RAB6B: variants seen among roughly 807,000 people sequenced by gnomAD.
RAB6B encodes ras-related protein Rab-6B.
A neutral mutation model predicts 31.2 loss-of-function variants in RAB6B; 7 were observed. That is an observed-to-expected ratio of 0.22 (90% CI 0.13 to 0.42). The LOEUF is 0.42. Among genes scored for constraint, RAB6B ranks in the 10% least tolerant of loss-of-function variants. RAB6B has a pLI of 1.00. For synonymous variants in RAB6B, 105 were observed against 104.9 expected, an observed-to-expected ratio of 1.00 and a Z score of -0.01; for missense variants, 149 against 280.6, an observed-to-expected ratio of 0.53 and a Z score of 3.35.
Position 133,825,801 on chromosome 3 carries a change from C to T in RAB6B, c.*2987G>A, listed in dbSNP as rs1006203283. 6.6e-6 allele frequency: 1 copy of T among 152,178 alleles called. No homozygotes were observed. The highest frequency in any genetic ancestry group is 1.5e-5 in the Non-Finnish European group (1 of 68,062). The allele number at this position is 152,178 out of a possible 1,614,324, so 9.4% of individuals were successfully genotyped here. ...GGCCAAGAGGATCCTGCTAATCTGC[C>T]AGGTCACGTCTAGTCTTTGGGGAGA... On this transcript the variant is annotated 3_prime_UTR_variant, in exon 8 of 8. Transcript: ENST00000285208.
intron 1 of RAB6B, among the ~76,000 whole-genome samples, chr3:133,879,261 C>T (rs965834238): frequency 6.6e-5 from 10 of 152,200 alleles, no homozygotes; most frequent in African/African-American, 9.7e-5. Flanking sequence ...TTTAATTACA[C>T]GCACACATCC....
intron 2 of RAB6B, among the ~76,000 whole-genome samples, chr3:133,861,585 G>T (rs1936162034): frequency 6.6e-6 from 1 of 152,200 alleles, no homozygotes; most frequent in African/African-American, 2.4e-5. Flanking sequence ...CTGAGGATAG[G>T]GTTAAACGCC....
intron 2 of RAB6B, among the ~76,000 whole-genome samples, chr3:133,847,714 T>C (rs1935924431): frequency 6.6e-6 from 1 of 152,204 alleles, no homozygotes; most frequent in African/African-American, 2.4e-5. Flanking sequence ...TGCCCATAGC[T>C]CTTGCTATGG....
chr3:133,830,610 G>A (rs111672399), intron 7 of RAB6B, among the ~76,000 whole-genome samples: 3 of 152,162 alleles, frequency 2.0e-5, no homozygotes, highest in Non-Finnish European at 2.9e-5. Flanking sequence ...CAGGGTGCAC[G>A]CATTAGTGGC....
intron 7 of RAB6B, among the ~76,000 whole-genome samples, chr3:133,831,036 G>T (rs1416439422): frequency 6.6e-6 from 1 of 152,192 alleles, no homozygotes; most frequent in Non-Finnish European, 1.5e-5. Flanking sequence ...CTTGAAGGTT[G>T]GCCACTGTTA....
chr3:133,828,451 C>A lies in RAB6B; in HGVS notation c.*337G>T. On this transcript the variant is annotated 3_prime_UTR_variant, in exon 8 of 8. Transcript: ENST00000285208. ...TACAAATATACAAAAACAAAAAGCA[C>A]ATCTTTCAAATAAAAATGACTACAT... 2.5e-6 allele frequency: 1 copy of A among 397,904 alleles called. No homozygotes were observed. Among genetic ancestry groups the A allele is most frequent in the Non-Finnish European group, 4.5e-6 (1 of 222,004 alleles). The allele number at this position is 397,904 out of a possible 1,614,324, so 24.6% of individuals were successfully genotyped here.
rs1935562802 is a variant in RAB6B, at chr3:133,826,356, CCT to C, written c.*2430_*2431del. The C allele has an allele frequency of 6.6e-6, 1 of 152,154 alleles. No homozygotes were observed. Among genetic ancestry groups the C allele is most frequent in the Non-Finnish European group, 1.5e-5 (1 of 68,034 alleles). The allele number at this position is 152,154 out of a possible 1,614,324, so 9.4% of individuals were successfully genotyped here. The stretch of plus-strand genomic sequence containing the variant: ...CCACGGTGCCTTGGATGTGTGTGCC[CCT>C]GAGAAGGGAACTGAGTTTCTACTGT... On this transcript the variant is annotated 3_prime_UTR_variant, in exon 8 of 8. Coordinates refer to ENST00000285208, the MANE Select transcript of RAB6B (RefSeq NM_016577.4).
intron 1 of RAB6B, among the ~76,000 whole-genome samples, chr3:133,877,245 G>C (rs1014896133): frequency 6.6e-6 from 1 of 152,252 alleles, no homozygotes; most frequent in Non-Finnish European, 1.5e-5. Flanking sequence ...GATGCAGAAA[G>C]GGAATGGCAG....
intron 5 of RAB6B, among the ~76,000 whole-genome samples, chr3:133,838,804 A>G (rs1379738047): frequency 6.6e-6 from 1 of 152,204 alleles, no homozygotes; most frequent in East Asian, 1.9e-4. Context: ...AACTCTAGTA[A>G]AGCAGGCTCT....
Position 133,841,271 on chromosome 3 carries a change from A to G in RAB6B, c.289+14T>C. On this transcript the variant is annotated intron_variant, in intron 4 of 7. Transcript: ENST00000285208. Reference sequence around the variant, plus strand: ...CTATGAGCCACCCTCCCTTAGGAGCAGAGCCTCACTCACTTGTGATGTCGT... The same window carrying G: ...CTATGAGCCACCCTCCCTTAGGAGCGGAGCCTCACTCACTTGTGATGTCGT... The G allele has an allele frequency of 6.2e-7, 1 of 1,613,682 alleles. No homozygotes were observed. Among genetic ancestry groups the G allele is most frequent in the East Asian group, 2.2e-5 (1 of 44,850 alleles).
intron 1 of RAB6B, among the ~76,000 whole-genome samples, chr3:133,879,191 T>C (rs749829702): frequency 6.6e-6 from 1 of 152,248 alleles, no homozygotes; most frequent in Non-Finnish European, 1.5e-5. Flanking sequence ...GAAAGGCATA[T>C]GTAAAGTCTT....
intron 1 of RAB6B, among the ~76,000 whole-genome samples, chr3:133,875,664 G>A (rs1003817754): frequency 6.6e-6 from 1 of 152,090 alleles, no homozygotes; most frequent in Non-Finnish European, 1.5e-5. Context: ...CCCTGCCCTG[G>A]GGCTTCTAAA....
chr3:133,866,660 T>C (rs1936240667), intron 1 of RAB6B, among the ~76,000 whole-genome samples: 1 of 152,232 alleles, frequency 6.6e-6, no homozygotes, highest in South Asian at 2.1e-4. Context: ...AAATTTCACA[T>C]GAAGGTGAGA....
At chr3:133,848,459 G>A (rs1935935327) in intron 2 of RAB6B, among the ~76,000 whole-genome samples, 1 of 152,230 alleles carries the variant, frequency 6.6e-6, no homozygotes. Flanking sequence ...CAGGCAGGAT[G>A]TCTTAGTCCA....
chr3:133,870,722 C>T (rs1936311999), intron 1 of RAB6B, among the ~76,000 whole-genome samples: 1 of 152,258 alleles, frequency 6.6e-6, no homozygotes, highest in South Asian at 2.1e-4. Flanking sequence ...AATGCCAGCA[C>T]TGCATTCAGA....
chr3:133,876,190 C>A (rs1273963837), intron 1 of RAB6B, among the ~76,000 whole-genome samples: 2 of 152,180 alleles, frequency 1.3e-5, no homozygotes, highest in African/African-American at 4.8e-5. Context: ...ACGTAAGACT[C>A]TACCAGATTC....
chr3:133,859,393 G>A (rs1234160558), intron 2 of RAB6B, among the ~76,000 whole-genome samples: 2 of 152,158 alleles, frequency 1.3e-5, no homozygotes, highest in East Asian at 3.9e-4. Flanking sequence ...TCCTACAGGT[G>A]TCTCTTTTCA....
At chr3:133,864,528 C>T in intron 2 of RAB6B, 56 bp downstream of exon 2, 1 of 1,566,370 alleles carries the variant, frequency 6.4e-7, no homozygotes, top group Non-Finnish European at 8.8e-7. Flanking sequence ...CAGCAAGTTT[C>T]AAAGAGAGGT....
At chr3:133,832,777 G>C (rs150701688) in intron 7 of RAB6B, among the ~76,000 whole-genome samples, 19 of 152,312 alleles carry the variant, frequency 1.2e-4, no homozygotes, top group African/African-American at 4.1e-4. Context: ...GCTAGAAAAA[G>C]GGACACAGGT....
Sources: gnomAD v4.1 joint callset for allele counts (sites outside exome capture counted in the v4.1 genomes callset) on GRCh38, gnomAD v4.1.1 for gene constraint, MANE v1.5 for transcripts, NCBI Gene and HGNC (gene_info 2026-07-23, HGNC 2026-07-21) for gene names.